Variants in NPC1L1 observed in about 807,000 individuals in gnomAD.
NPC1L1 encodes the protein NPC1 like intracellular cholesterol transporter 1, also known as NPC1-like intracellular cholesterol transporter 1.
NPC1L1 carries 98 observed loss-of-function variants against 117.0 expected under a neutral mutation model. The observed-to-expected ratio is 0.84, with a 90% CI of 0.71 to 0.99. The LOEUF (loss-of-function observed/expected upper bound fraction) is 0.99, where lower values mean the gene tolerates loss of function less well. NPC1L1 is among the 50% of genes least tolerant of loss of function. The pLI is 0.00. For missense variants in NPC1L1, 1,540 were observed against 1,710.0 expected (o/e 0.90, Z 1.75); for synonymous variants, 729 against 727.6 (o/e 1.00, Z -0.03).
chr7:44,531,184 G>A (rs1486289538), intron 10 of NPC1L1, among the ~76,000 whole-genome samples: 4 of 152,212 alleles, frequency 2.6e-5, no homozygotes, highest in Non-Finnish European at 5.9e-5. Flanking sequence ...CATTGTGCCT[G>A]TTGGCCCGCA....
chr7:44,514,947 A>G (rs1368677464), intron 18 of NPC1L1, among the ~76,000 whole-genome samples: 1 of 152,110 alleles, frequency 6.6e-6, no homozygotes, highest in African/African-American at 2.4e-5. Context: ...TGGGAGGCAG[A>G]GGTTGCAGGG....
At position 44,524,336 on chromosome 7, in the gene NPC1L1, C is replaced by T. The variant is rs1801444283; in HGVS notation, c.2638-2094G>A. ...CTACCACATTATAAGAATCAAATGT[C>T]CATTTTTCAACCAAAAACACACCAA... On this transcript the variant is annotated intron_variant, in intron 10 of 18. Transcript: ENST00000381160. Among the ~76,000 whole-genome samples, 3 of 152,266 alleles carry T rather than the reference C, an allele frequency of 2.0e-5. No homozygotes were observed. In the South Asian group the frequency reaches 6.2e-4, roughly 32 times the overall value.
intron 14 of NPC1L1, among the ~76,000 whole-genome samples, chr7:44,518,100 C>A (rs1451024484): frequency 1.3e-5 from 2 of 148,572 alleles, no homozygotes; most frequent in Non-Finnish European, 1.5e-5. Flanking sequence ...GGCAACAGAG[C>A]AAGATCCCAT....
intron 11 of NPC1L1, 68 bp downstream of exon 11, chr7:44,521,984 G>A: frequency 6.3e-7 from 1 of 1,586,830 alleles, no homozygotes. Context: ...CAGGAAGAGG[G>A]GACTGGAGAG....
chr7:44,515,973 G>T lies in NPC1L1; in HGVS notation c.3634-8C>A, dbSNP rs746791445. The stretch of plus-strand genomic sequence containing the variant: ...GGCCACACCTGCAAACACCTGGGGG[G>T]TTCAGAGCCAGGTGTCAGGCAGGGC... On this transcript the variant is annotated splice_polypyrimidine_tract_variant and splice_region_variant and intron_variant, in intron 17 of 18. Coordinates refer to ENST00000381160, the MANE Select transcript of NPC1L1 (RefSeq NM_001101648.2). 1.1e-5 allele frequency: 18 copies of T among 1,613,578 alleles called. No homozygotes were observed. Among genetic ancestry groups the T allele is most frequent in the Non-Finnish European group, 1.5e-5 (18 of 1,179,796 alleles).
At position 44,536,786 on chromosome 7, in the gene NPC1L1, T is replaced by G; in HGVS notation, c.1681+56A>C. 18 of 1,456,290 alleles carry G rather than the reference T, an allele frequency of 1.2e-5. No homozygotes were observed. The highest frequency in any genetic ancestry group is 1.7e-5 in the Non-Finnish European group (18 of 1,037,506). The allele number at this position is 1,456,290 out of a possible 1,614,324, so 90.2% of individuals were successfully genotyped here. On this transcript the variant is annotated intron_variant, in intron 3 of 18. Transcript: ENST00000381160. This position sits in a 1 kb window ranked among gnomAD's most constrained non-coding sequence, Gnocchi z 4.7. ...ACCACTCCCACCCTCCCGTCTATGG[T>G]TCCTGCCCCAATACTGCATCTTCCT... is the stretch of plus-strand genomic sequence containing the variant.
chr7:44,534,716 G>A lies in NPC1L1; in HGVS notation c.1984-87C>T, dbSNP rs527815414. The A allele has an allele frequency of 2.7e-5, 39 of 1,461,104 alleles. No homozygotes were observed. The South Asian group carries it at 3.3e-4, about 13-fold the overall frequency. 90.5% of individuals were successfully genotyped at this position (1,461,104 alleles called of 1,614,324 possible). On this transcript the variant is annotated intron_variant, in intron 5 of 18. Transcript: ENST00000381160. The surrounding 1 kb of genome is among the most constrained non-coding windows in gnomAD (Gnocchi z 5.2). Reference sequence around the variant, plus strand: ...CTCAGCTAGGCCAGACAAAGTAGCCGGCAGGCACCCTCAGTGCCTGCAGGT... The same window carrying A: ...CTCAGCTAGGCCAGACAAAGTAGCCAGCAGGCACCCTCAGTGCCTGCAGGT...
rs746724910 is a variant in NPC1L1 at position 44,534,407 on chromosome 7, A to G, written c.2166+40T>C. The stretch of plus-strand genomic sequence containing the variant: ...GGCCAGGAGGTGAGGTTGGGAGAAG[A>G]GTGGGCAGTTGGGGGTGTGGAGAGC... On this transcript the variant is annotated intron_variant, in intron 6 of 18. Coordinates refer to ENST00000381160, the MANE Select transcript of NPC1L1 (RefSeq NM_001101648.2). This position sits in a 1 kb window ranked among gnomAD's most constrained non-coding sequence, Gnocchi z 5.2. 2 of 1,607,208 alleles carry G rather than the reference A, an allele frequency of 1.2e-6. No individual in the cohort carries two copies. The highest frequency in any genetic ancestry group is 1.7e-6 in the Non-Finnish European group (2 of 1,173,796).
chr7:44,532,056 T>C (rs1244208880), intron 9 of NPC1L1, 24 bp downstream of exon 9: 1 of 1,613,946 alleles, frequency 6.2e-7, no homozygotes, highest in African/African-American at 1.3e-5. Context: ...GCCCCTGCTC[T>C]CGTGTGGTTC....
intron 15 of NPC1L1, 65 bp from the exon 16 acceptor site, chr7:44,516,999 C>A (rs1019436713): frequency 1.3e-6 from 2 of 1,507,612 alleles, no homozygotes; most frequent in Non-Finnish European, 1.8e-6. Context: ...GGTGGGACAC[C>A]CCACTTCAGA....
At position 44,516,842 on chromosome 7, in the gene NPC1L1, G is replaced by C; in HGVS notation, c.3380C>G (p.Ser1127Cys). The C allele has an allele frequency of 6.2e-7, 1 of 1,614,196 alleles. No homozygotes were observed. Among genetic ancestry groups the C allele is most frequent in the Non-Finnish European group, 8.5e-7 (1 of 1,180,030 alleles). ...CAGGTCCAGGCCCAGCAGGAGGCAG[G>C]AGACAGCGAAGGTGGGCACAAGGCA... The part of the protein sequence containing the change: ...SLCLVPTFAV[S>C]CLLLGLDLRS... The change falls in exon 16 of 19, where the codon TCC (serine) becomes TGC (cysteine). Residue 1127 changes from serine to cysteine, a missense_variant. Ser to Cys is a moderately radical substitution (Grantham distance 112). Transcript: ENST00000381160.
chr7:44,535,596 AG>A (rs1424933257), intron 5 of NPC1L1, among the ~76,000 whole-genome samples: 2 of 152,130 alleles, frequency 1.3e-5, no homozygotes, highest in Non-Finnish European at 2.9e-5. Flanking sequence ...AGAGGGTAGG[AG>A]GGAAAAGAGA....
In NPC1L1 at chr7:44,522,285, C is replaced by T. The variant is rs4720470; in HGVS notation, c.2638-43G>A. The T allele has an allele frequency of 0.071, 111,743 of 1,573,732 alleles. 5,703 individuals carry two copies. Among genetic ancestry groups the T allele is most frequent in the East Asian group, 0.3 (13,243 of 43,944 alleles). On this transcript the variant is annotated intron_variant, in intron 10 of 18. Coordinates refer to ENST00000381160, the MANE Select transcript of NPC1L1 (RefSeq NM_001101648.2). Reference sequence around the variant, plus strand: ...TCAGTGAGCTTTGGTTCGCTATGCACACCCCTAAAGGGCTCAATCCAGCTC... The same window carrying T: ...TCAGTGAGCTTTGGTTCGCTATGCATACCCCTAAAGGGCTCAATCCAGCTC...
rs553140495 is a variant in NPC1L1, at chr7:44,520,487, G to A, written c.3136+278C>T. ...CTTTGGGTGTAATTTGTGCTGGTAA[G>A]AAAGGTGCTTAGCCAGGGTGTGGAG... On this transcript the variant is annotated intron_variant, in intron 14 of 18. Transcript: ENST00000381160. 4.0e-4 allele frequency among the ~76,000 whole-genome samples: 61 copies of A among 152,336 alleles called. No individual in the cohort carries two copies. The South Asian group carries it at 5.4e-3, about 13-fold the overall frequency.
chr7:44,513,651 T>C lies in NPC1L1; in HGVS notation c.3797-2A>G. 1 of 1,611,938 alleles carries C rather than the reference T, an allele frequency of 6.2e-7. No homozygotes were observed. The highest frequency in any genetic ancestry group is 8.5e-7 in the Non-Finnish European group (1 of 1,179,962). On this transcript the variant is annotated splice_acceptor_variant, in intron 18 of 18. Transcript: ENST00000381160. LOFTEE classifies it high-confidence loss of function. The stretch of plus-strand genomic sequence containing the variant: ...CCAGAGCCGGGTTAACGTCAGGCCC[T>C]GCGGAGAGACAGAGAACCACAGTCA...
At chr7:44,528,944 AC>A (rs1385384821) in intron 10 of NPC1L1, among the ~76,000 whole-genome samples, 2 of 151,802 alleles carry the variant, frequency 1.3e-5, no homozygotes, top group Non-Finnish European at 2.9e-5. Context: ...GGTGGCATGC[AC>A]CTATAATCCC....
chr7:44,534,521 T>C lies in NPC1L1; in HGVS notation c.2092A>G (p.Ile698Val), dbSNP rs565138019. 18 of 1,614,164 alleles carry C rather than the reference T, an allele frequency of 1.1e-5. No individual in the cohort carries two copies. In the East Asian group the frequency reaches 3.8e-4, roughly 34 times the overall value. The change falls in exon 6 of 19, where the codon ATC becomes GTC. Residue 698 changes from isoleucine to valine, a missense_variant. Transcript: ENST00000381160. This position sits in a 1 kb window ranked among gnomAD's most constrained non-coding sequence, Gnocchi z 5.2. ...SYLGIRSSLV[I>V]LQVVPFLVLS... ...ACCAGGAAAGGAACCACTTGCAGGA[T>C]GACCAGGGAGGAGCGGATACCCAAG...
At position 44,538,301 on chromosome 7, in the gene NPC1L1, AGT is replaced by A. The variant is rs1485567389; in HGVS notation, c.1580+514_1580+515del. ...CAAAGACCGAACCCCAATCAATAGA[AGT>A]GTGTGTGGCTGTGGCCTACCCCAGG... On this transcript the variant is annotated intron_variant, in intron 2 of 18. Coordinates refer to ENST00000381160, the MANE Select transcript of NPC1L1 (RefSeq NM_001101648.2). The surrounding 1 kb of genome is among the most constrained non-coding windows in gnomAD (Gnocchi z 5.9). Among the ~76,000 whole-genome samples the A allele has an allele frequency of 6.6e-6, 1 of 152,180 alleles. No individual in the cohort carries two copies. The highest frequency in any genetic ancestry group is 1.5e-5 in the Non-Finnish European group (1 of 68,038).
At position 44,533,499 on chromosome 7, in the gene NPC1L1, T is replaced by C; in HGVS notation, c.2341A>G (p.Ile781Val). 1.2e-6 allele frequency: 2 copies of C among 1,614,092 alleles called. No individual in the cohort carries two copies. The highest frequency in any genetic ancestry group is 1.7e-6 in the Non-Finnish European group (2 of 1,180,012). ...GACATCTGCAGGAGGAAGTCAAGGA[T>C]CACTGCAAGGCCAGAGGTCAGGGCA... ...TFALTSGLAV[I>V]LDFLLQMSAF... The change falls in exon 8 of 19, where the codon ATC (isoleucine) becomes GTC (valine). Residue 781 changes from isoleucine (I) to valine (V), a missense_variant. Ile to Val is a conservative substitution (Grantham distance 29). Transcript: ENST00000381160.
Sources: gnomAD v4.1 joint callset for allele counts (sites outside exome capture counted in the v4.1 genomes callset) on GRCh38, gnomAD v4.1.1 for gene constraint, Gnocchi (gnomAD v3.1) non-coding constraint, MANE v1.5 for transcripts, NCBI Gene and HGNC (gene_info 2026-07-23, HGNC 2026-07-21) for gene names.